The following MTDH variants were observed in gnomAD, a reference collection of about 807,000 sequenced individuals.
MTDH encodes protein LYRIC.
Under a neutral mutation model 72.7 loss-of-function variants are expected in MTDH, and 34 were observed. That is an observed-to-expected ratio of 0.47 (90% CI 0.36 to 0.62). The LOEUF (loss-of-function observed/expected upper bound fraction) is 0.62, where lower values mean the gene tolerates loss of function less well. Ranked by LOEUF, MTDH falls within the 20% of genes least tolerant of loss-of-function variation. The pLI, the probability that MTDH is intolerant of heterozygous loss-of-function variation, is 0.00. For synonymous variants in MTDH, 266 were observed against 268.9 expected (o/e 0.99, Z 0.10); for missense variants, 677 against 699.4 (o/e 0.97, Z 0.36).
intron 6 of MTDH, among the ~76,000 whole-genome samples, chr8:97,694,139 T>C (rs1367530253): frequency 6.6e-6 from 1 of 152,188 alleles, no homozygotes; most frequent in Non-Finnish European, 1.5e-5. Context: ...CTAGAAACTT[T>C]TTAGTTTTAG....
intron 9 of MTDH, among the ~76,000 whole-genome samples, chr8:97,715,561 A>G (rs572933341): frequency 1.3e-5 from 2 of 152,354 alleles, no homozygotes; most frequent in Admixed American, 1.3e-4. Flanking sequence ...CTTTTTCAGT[A>G]GTCAAAATGA....
chr8:97,656,098 T>C (rs936971005), intron 1 of MTDH, among the ~76,000 whole-genome samples: 4 of 152,176 alleles, frequency 2.6e-5, no homozygotes, highest in South Asian at 2.1e-4. Context: ...AAGAAGTTTC[T>C]AGGTCATTTG....
chr8:97,714,768 G>A (rs982095923), intron 9 of MTDH, among the ~76,000 whole-genome samples: 5 of 151,710 alleles, frequency 3.3e-5, no homozygotes, highest in South Asian at 2.1e-4. Flanking sequence ...ACAGGGAACC[G>A]CAATTTCTAG....
chr8:97,688,560 GTATTTTTGTGT>G (rs1813458685), intron 4 of MTDH, among the ~76,000 whole-genome samples: 1 of 152,010 alleles, frequency 6.6e-6, no homozygotes, highest in Non-Finnish European at 1.5e-5. Flanking sequence ...CAGAGAAATA[GTATTTTTGTGT>G]TATAATGTGT....
chr8:97,682,656 C>T (rs543000201), intron 2 of MTDH, among the ~76,000 whole-genome samples: 1 of 151,900 alleles, frequency 6.6e-6, no homozygotes, highest in Non-Finnish European at 1.5e-5. Context: ...TAAGCCTAAT[C>T]TAAGATAATC....
chr8:97,689,005 G>A (rs1336331144), intron 4 of MTDH, 33 bp from the exon 5 acceptor site: 1 of 1,163,824 alleles, frequency 8.6e-7, no homozygotes, highest in South Asian at 1.5e-5. Flanking sequence ...GCCCTATTTA[G>A]TATTAAATAA....
At position 97,728,209 on chromosome 8, in the gene MTDH, AAT is replaced by A. The variant is rs1815429876; in HGVS notation, c.*3542_*3543del. 1 of 152,202 alleles carries A rather than the reference AAT, an allele frequency of 6.6e-6. No homozygotes were observed. The highest frequency in any genetic ancestry group is 2.4e-5 in the African/African-American group (1 of 41,458). 9.4% of individuals were successfully genotyped at this position (152,202 alleles called of 1,614,324 possible). On this transcript the variant is annotated 3_prime_UTR_variant, in exon 12 of 12. Transcript: ENST00000336273. Reference sequence around the variant, plus strand: ...CTTTCCAAAAGACTTAGGGAATGCAAATATGTTACTCATAAGATGCATTGAGT... The same window carrying A: ...CTTTCCAAAAGACTTAGGGAATGCAAATGTTACTCATAAGATGCATTGAGT...
chr8:97,687,488 G>A lies in MTDH; in HGVS notation c.628G>A (p.Val210Met), dbSNP rs1022807416. 1 of 1,613,238 alleles carries A rather than the reference G, an allele frequency of 6.2e-7. No homozygotes were observed. Among genetic ancestry groups the A allele is most frequent in the African/African-American group, 1.3e-5 (1 of 74,848 alleles). ...ACGACAGCAGCGTAAACGTGATAAG[G>A]TGCTGACTGATTCTGGTTCATTGGA... Reference protein sequence around the residue: ...EKRQQRKRDKVLTDSGSLDST... With the variant: ...EKRQQRKRDKMLTDSGSLDST... The change falls in exon 4 of 12, where the codon GTG (valine) becomes ATG (methionine). Residue 210 changes from valine (V) to methionine (M), a missense_variant. Around this residue, in one of 3 missense-constraint regions of MTDH, gnomAD observed 467 missense variants for 469.1 expected, o/e 1.00. Transcript: ENST00000336273.
At chr8:97,710,033 C>T (rs977878315) in intron 8 of MTDH, among the ~76,000 whole-genome samples, 8 of 152,228 alleles carry the variant, frequency 5.3e-5, no homozygotes, top group South Asian at 2.1e-4. Context: ...ATTCATGGCA[C>T]GTATCTATTC....
At chr8:97,708,416 G>C in intron 8 of MTDH, among the ~76,000 whole-genome samples, 1 of 145,234 alleles carries the variant, frequency 6.9e-6, no homozygotes. Context: ...TGAGTAGCTG[G>C]GATTACAGGC....
At chr8:97,661,044 A>G in intron 1 of MTDH, 28 bp from the exon 2 acceptor site, 1 of 1,583,204 alleles carries the variant, frequency 6.3e-7, no homozygotes, top group Non-Finnish European at 8.7e-7. Flanking sequence ...GCAGTTTGAT[A>G]ATATGATACT....
At chr8:97,663,363 C>G (rs1482564342) in intron 2 of MTDH, among the ~76,000 whole-genome samples, 1 of 151,762 alleles carries the variant, frequency 6.6e-6, no homozygotes, top group Admixed American at 6.6e-5. Flanking sequence ...ATGGCAGGCA[C>G]CATGCAAGGT....
intron 8 of MTDH, among the ~76,000 whole-genome samples, chr8:97,707,421 A>C (rs1014182934): frequency 4.5e-5 from 6 of 133,238 alleles, no homozygotes; most frequent in African/African-American, 1.7e-4. Flanking sequence ...AAGTGCTGGG[A>C]TTACAGGCGT....
Position 97,699,826 on chromosome 8 carries a change from A to C in MTDH, c.1121A>C (p.Tyr374Ser). ...YQWDVSRNQP[Y>S]IDDEWSGLNG... The stretch of plus-strand genomic sequence containing the variant: ...TGGGATGTTAGCCGTAATCAACCCT[A>C]TATCGATGATGAATGGTCTGGGTTA... The change falls in exon 7 of 12, where the codon TAT (tyrosine) becomes TCT (serine). Residue 374 changes from tyrosine (Y) to serine (S), a missense_variant. Coordinates refer to ENST00000336273, the MANE Select transcript of MTDH (RefSeq NM_178812.4). The C allele has an allele frequency of 6.2e-7, 1 of 1,612,288 alleles. No individual in the cohort carries two copies. The highest frequency in any genetic ancestry group is 1.1e-5 in the South Asian group (1 of 91,008).
chr8:97,669,339 G>A (rs1045485073), intron 2 of MTDH, among the ~76,000 whole-genome samples: 7 of 151,584 alleles, frequency 4.6e-5, no homozygotes, highest in African/African-American at 7.3e-5. Flanking sequence ...ATAGAGACGG[G>A]GTTTCACCAT....
chr8:97,697,150 A>ATATATATTTTTTTTT, intron 6 of MTDH, among the ~76,000 whole-genome samples: 4 of 68,772 alleles, frequency 5.8e-5, no homozygotes, highest in Admixed American at 1.6e-4. Context: ...ATATATATAT[A>ATATATATTTTTTTTT]TTTTTTTTTT....
chr8:97,650,872 G>A (rs1340473875), intron 1 of MTDH, among the ~76,000 whole-genome samples: 1 of 152,094 alleles, frequency 6.6e-6, no homozygotes, highest in African/African-American at 2.4e-5. Context: ...TGGGACCACA[G>A]GCACACACCA....
At chr8:97,691,705 G>T (rs79646854) in intron 6 of MTDH, among the ~76,000 whole-genome samples, 1 of 150,230 alleles carries the variant, frequency 6.7e-6, no homozygotes, top group South Asian at 2.1e-4. Context: ...GTGTGTGTTT[G>T]TGTGTGTGTG....
rs553352568 is a variant in MTDH, at chr8:97,726,938, G to T, written c.*2268G>T. 5 of 151,888 alleles carry T rather than the reference G, an allele frequency of 3.3e-5. No homozygotes were observed. The highest frequency in any genetic ancestry group is 9.6e-5 in the African/African-American group (4 of 41,458). 9.4% of individuals were successfully genotyped at this position (151,888 alleles called of 1,614,324 possible). On this transcript the variant is annotated 3_prime_UTR_variant, in exon 12 of 12. Transcript: ENST00000336273. ...AAATACAAAAAAAAAAATTAGCTGGGTGTGGTGGTGGGCTCCTGTAATCCC... is the reference window on the plus strand; with the variant it reads ...AAATACAAAAAAAAAAATTAGCTGGTTGTGGTGGTGGGCTCCTGTAATCCC...
Sources: gnomAD v4.1 joint callset for allele counts (sites outside exome capture counted in the v4.1 genomes callset) on GRCh38, gnomAD v4.1.1 for gene constraint, gnomAD v4.1.1 regional missense constraint, MANE v1.5 for transcripts, NCBI Gene and HGNC (gene_info 2026-07-23, HGNC 2026-07-21) for gene names.